TRPM3: variants seen among roughly 807,000 people sequenced by gnomAD.
TRPM3 encodes transient receptor potential cation channel subfamily M member 3, also known as long transient receptor potential channel 3.
Under a neutral mutation model 181.2 loss-of-function variants are expected in TRPM3, and 77 were observed. The observed-to-expected ratio is 0.42, with a 90% CI of 0.35 to 0.51. The LOEUF is 0.51. TRPM3 is among the 20% of genes least tolerant of loss of function. TRPM3 has a pLI of 0.01. For synonymous variants in TRPM3, 745 were observed against 796.4 expected (o/e 0.94, Z 1.09); for missense variants, 1,759 against 2,196.7 (o/e 0.80, Z 3.98).
At chr9:70,952,580 G>A (rs1160071285) in intron 1 of TRPM3, among the ~76,000 whole-genome samples, 1 of 152,180 alleles carries the variant, frequency 6.6e-6, no homozygotes, top group Non-Finnish European at 1.5e-5. Context: ...TTTTGGAGGA[G>A]CTTAAAGTCC....
At chr9:70,684,514 T>C (rs2066267479) in intron 8 of TRPM3, among the ~76,000 whole-genome samples, 1 of 152,332 alleles carries the variant, frequency 6.6e-6, no homozygotes, top group African/African-American at 2.4e-5. Flanking sequence ...ATATTATGTA[T>C]TCATCACCAC....
intron 21 of TRPM3, 50 bp from the exon 22 acceptor site, chr9:70,591,255 T>C: frequency 5.3e-6 from 8 of 1,515,850 alleles, no homozygotes; most frequent in Non-Finnish European, 7.3e-6. Flanking sequence ...CCCATATGAT[T>C]GAGTGTTCTT....
intron 1 of TRPM3, among the ~76,000 whole-genome samples, chr9:71,008,264 A>G (rs1160694547): frequency 6.6e-6 from 1 of 152,168 alleles, no homozygotes; most frequent in African/African-American, 2.4e-5. Context: ...AACAAGAATG[A>G]AGCAGTAATA....
intron 6 of TRPM3, among the ~76,000 whole-genome samples, chr9:70,823,351 T>A (rs1006411578): frequency 6.6e-6 from 1 of 152,046 alleles, no homozygotes; most frequent in African/African-American, 2.4e-5. Flanking sequence ...GACCCTGTAA[T>A]GTCCCAGATC....
At chr9:71,147,859 G>T (rs1401554468) in intron 1 of TRPM3, among the ~76,000 whole-genome samples, 2 of 152,116 alleles carry the variant, frequency 1.3e-5, no homozygotes, top group Non-Finnish European at 2.9e-5. Flanking sequence ...CTTACAAGGG[G>T]TTCTAATTAT....
At chr9:71,203,607 C>A (rs922880004) in intron 1 of TRPM3, among the ~76,000 whole-genome samples, 1 of 152,166 alleles carries the variant, frequency 6.6e-6, no homozygotes, top group African/African-American at 2.4e-5. Context: ...GGCTGTGTGA[C>A]CTTAGGCATG....
At chr9:71,318,529 C>T (rs2088870411) in intron 1 of TRPM3, among the ~76,000 whole-genome samples, 1 of 152,088 alleles carries the variant, frequency 6.6e-6, no homozygotes, top group South Asian at 2.1e-4. Flanking sequence ...ATCATTCTCT[C>T]ACTAGATAAG....
intron 22 of TRPM3, among the ~76,000 whole-genome samples, chr9:70,572,239 T>C (rs2052638204): frequency 6.6e-6 from 1 of 152,206 alleles, no homozygotes; most frequent in Non-Finnish European, 1.5e-5. Flanking sequence ...AACAGACTTT[T>C]AACAAACTTA....
rs867430512 is a variant in TRPM3 at position 70,752,047 on chromosome 9, T to C, written c.1272+9554A>G. 9.9e-3 allele frequency among the ~76,000 whole-genome samples: 965 copies of C among 97,696 alleles called. 1 individual carries two copies. The highest frequency in any genetic ancestry group is 0.015 in the African/African-American group (411 of 28,042). The allele number at this position is 97,696 out of a possible 152,430, so 64.1% of individuals were successfully genotyped here. A position where few individuals can be genotyped will look rare whatever the true frequency, so the allele number is the denominator to read the frequency against. On this transcript the variant is annotated intron_variant, in intron 8 of 25. Coordinates refer to ENST00000677713, the MANE Select transcript of TRPM3 (RefSeq NM_001366145.2). The stretch of plus-strand genomic sequence containing the variant: ...GTGTGTGTGTGTGTGTGTGTGTGTG[T>C]GTGCGCGCGCGCGCGCATACACATG...
At chr9:70,965,359 T>G (rs1432493262) in intron 1 of TRPM3, among the ~76,000 whole-genome samples, 1 of 152,130 alleles carries the variant, frequency 6.6e-6, no homozygotes, top group African/African-American at 2.4e-5. Flanking sequence ...CTGTTGCATT[T>G]TATCCCCCCC....
At chr9:70,855,541 G>A (rs887166353) in intron 3 of TRPM3, among the ~76,000 whole-genome samples, 1 of 152,132 alleles carries the variant, frequency 6.6e-6, no homozygotes, top group African/African-American at 2.4e-5. Context: ...TTTAATTCTT[G>A]GAAGTAATCA....
At chr9:70,998,675 T>C (rs2097569141) in intron 1 of TRPM3, among the ~76,000 whole-genome samples, 1 of 152,178 alleles carries the variant, frequency 6.6e-6, no homozygotes, top group Non-Finnish European at 1.5e-5. Flanking sequence ...TACTTCTTAG[T>C]TGTTTTCCAG....
At chr9:71,116,214 T>C (rs1269466981) in intron 1 of TRPM3, among the ~76,000 whole-genome samples, 2 of 152,166 alleles carry the variant, frequency 1.3e-5, no homozygotes, top group African/African-American at 2.4e-5. Context: ...CTAGACATAA[T>C]AGGTGTGCAT....
At chr9:71,393,569 T>C (rs1013957368) in intron 1 of TRPM3, among the ~76,000 whole-genome samples, 13 of 152,178 alleles carry the variant, frequency 8.5e-5, no homozygotes, top group African/African-American at 3.1e-4. Context: ...TACTTTCCCA[T>C]TGTGAACCAA....
intron 1 of TRPM3, among the ~76,000 whole-genome samples, chr9:71,050,422 T>G (rs1218025217): frequency 6.6e-6 from 1 of 152,190 alleles, no homozygotes; most frequent in Non-Finnish European, 1.5e-5. Flanking sequence ...GAAATTAAAG[T>G]GTTTCCTAGA....
intron 1 of TRPM3, among the ~76,000 whole-genome samples, chr9:71,173,363 A>G (rs1291368470): frequency 6.6e-6 from 1 of 152,248 alleles, no homozygotes; most frequent in African/African-American, 2.4e-5. Flanking sequence ...TTAGTTACAT[A>G]TCACAGAATC....
chr9:70,791,192 T>C (rs1438545521), intron 6 of TRPM3, among the ~76,000 whole-genome samples: 1 of 152,254 alleles, frequency 6.6e-6, no homozygotes, highest in African/African-American at 2.4e-5. Context: ...AGGTACCCAA[T>C]TGGTGAATGC....
At chr9:71,026,674 G>A (rs1243147711) in intron 1 of TRPM3, among the ~76,000 whole-genome samples, 1 of 152,102 alleles carries the variant, frequency 6.6e-6, no homozygotes, top group Non-Finnish European at 1.5e-5. Flanking sequence ...CACCAGCCCT[G>A]CCCACTCCAG....
intron 1 of TRPM3, among the ~76,000 whole-genome samples, chr9:71,183,911 C>T (rs1352000270): frequency 2.0e-5 from 3 of 152,070 alleles, no homozygotes; most frequent in East Asian, 1.9e-4. Context: ...TTTCAGGCCT[C>T]ACTCATTTGC....
Sources: allele counts gnomAD v4.1 joint callset (sites outside exome capture counted in the v4.1 genomes callset), GRCh38; gene constraint gnomAD v4.1.1; transcripts MANE v1.5; gene names NCBI Gene and HGNC (gene_info 2026-07-23, HGNC 2026-07-21).